Variants in MAPRE1 observed in about 807,000 individuals in gnomAD.
MAPRE1 encodes microtubule associated protein RP/EB family member 1.
MAPRE1 carries 5 observed loss-of-function variants against 32.1 expected under a neutral mutation model. The observed-to-expected ratio is 0.16, with a 90% CI of 0.08 to 0.33. The LOEUF is 0.33. MAPRE1 is among the 10% of genes least tolerant of loss of function. MAPRE1 has a pLI of 1.00. For synonymous variants in MAPRE1, 122 were observed against 118.9 expected (o/e 1.03, Z -0.17); for missense variants, 209 against 327.2 (o/e 0.64, Z 2.79).
At chr20:32,848,572 G>A in intron 6 of MAPRE1, 100 bp from the exon 7 acceptor site, 1 of 855,394 alleles carries the variant, frequency 1.2e-6, no homozygotes, top group Non-Finnish European at 1.9e-6. Context: ...ATAGAGCCAG[G>A]AAGAACCATT....
At chr20:32,828,745 T>G (rs975370628) in intron 2 of MAPRE1, among the ~76,000 whole-genome samples, 10 of 152,296 alleles carry the variant, frequency 6.6e-5, no homozygotes, top group African/African-American at 2.4e-4. Context: ...GGGGCACAGC[T>G]TATGTATTAC....
intron 2 of MAPRE1, among the ~76,000 whole-genome samples, chr20:32,827,188 C>G (rs1982877713): frequency 6.6e-6 from 1 of 151,734 alleles, no homozygotes; most frequent in South Asian, 2.1e-4. Flanking sequence ...GGCAGATCAC[C>G]TGAGGTCAGG....
chr20:32,828,995 A>G (rs968818069), intron 2 of MAPRE1, among the ~76,000 whole-genome samples: 1 of 151,436 alleles, frequency 6.6e-6, no homozygotes, highest in Non-Finnish European at 1.5e-5. Flanking sequence ...ATCTCGGCTC[A>G]CTGCAACCTC....
intron 5 of MAPRE1, among the ~76,000 whole-genome samples, chr20:32,845,777 A>G (rs1983490673): frequency 2.6e-5 from 4 of 152,110 alleles, no homozygotes; most frequent in African/African-American, 7.2e-5. Flanking sequence ...TCCACCTGAC[A>G]TGCTTCAGTT....
At chr20:32,841,788 T>C (rs1375751607) in intron 5 of MAPRE1, among the ~76,000 whole-genome samples, 1 of 152,118 alleles carries the variant, frequency 6.6e-6, no homozygotes, top group African/African-American at 2.4e-5. Flanking sequence ...CAAGTCAGCC[T>C]CTCTGAACTT....
At chr20:32,845,888 T>C (rs1421504387) in intron 5 of MAPRE1, among the ~76,000 whole-genome samples, 1 of 152,168 alleles carries the variant, frequency 6.6e-6, no homozygotes, top group Non-Finnish European at 1.5e-5. Flanking sequence ...TGGCTGTACC[T>C]TTGATTTTGT....
At chr20:32,828,308 C>T (rs1982923445) in intron 2 of MAPRE1, among the ~76,000 whole-genome samples, 1 of 152,202 alleles carries the variant, frequency 6.6e-6, no homozygotes, top group Non-Finnish European at 1.5e-5. Context: ...ATGAGGTCAT[C>T]CTAGTTTTCA....
At chr20:32,838,743 G>A (rs987911576) in intron 4 of MAPRE1, among the ~76,000 whole-genome samples, 10 of 152,182 alleles carry the variant, frequency 6.6e-5, no homozygotes, top group Admixed American at 4.6e-4. Context: ...GAGTGGAGAC[G>A]TGCATTAAGC....
At chr20:32,825,611 A>T (rs917909903) in intron 1 of MAPRE1, among the ~76,000 whole-genome samples, 1 of 152,156 alleles carries the variant, frequency 6.6e-6, no homozygotes, top group Non-Finnish European at 1.5e-5. Flanking sequence ...CCTGGCCAAC[A>T]TGGTGAAACC....
intron 5 of MAPRE1, among the ~76,000 whole-genome samples, chr20:32,840,650 G>A (rs1203762307): frequency 6.6e-6 from 1 of 151,904 alleles, no homozygotes; most frequent in Admixed American, 6.6e-5. Flanking sequence ...GGGATGCTCT[G>A]TGATTCCAGT....
intron 5 of MAPRE1, among the ~76,000 whole-genome samples, chr20:32,845,543 A>G (rs1983485314): frequency 6.6e-6 from 1 of 152,148 alleles, no homozygotes; most frequent in Non-Finnish European, 1.5e-5. Flanking sequence ...GGTTATAAAG[A>G]GGGTCCTTTC....
rs1982835354 is a variant in MAPRE1, at chr20:32,826,016, T to C, written c.89T>C (p.Leu30Ser). Residue 30 changes from leucine (L) to serine (S), a missense_variant, in exon 2 of 7, where the codon TTG (leucine) becomes TCG (serine). Leu to Ser is a moderately radical substitution (Grantham distance 145). This residue lies in a region of MAPRE1 where 67 missense variants were observed against 140.0 expected (regional missense o/e 0.48). Transcript: ENST00000375571. Reference sequence around the variant, plus strand: ...GCCTGGATCAATGAGTCTCTGCAGTTGAATCTGACAAAGATCGAACAGTTG... The same window carrying C: ...GCCTGGATCAATGAGTCTCTGCAGTCGAATCTGACAAAGATCGAACAGTTG... The part of the protein sequence containing the change: ...MLAWINESLQ[L>S]NLTKIEQLCS... The C allele has an allele frequency of 6.2e-7, 1 of 1,608,552 alleles. No homozygotes were observed. The highest frequency in any genetic ancestry group is 1.3e-5 in the African/African-American group (1 of 74,846).
At position 32,832,466 on chromosome 20, in the gene MAPRE1, C is replaced by CT. The variant is rs34257028; in HGVS notation, c.122-1233dup. Reference sequence around the variant, plus strand: ...TTGCAATAATTTATTACAGTAGTCTCTTTTTTTTTTTTTTTTTTGAGACGA... The same window carrying CT: ...TTGCAATAATTTATTACAGTAGTCTCTTTTTTTTTTTTTTTTTTTGAGACGA... On this transcript the variant is annotated intron_variant, in intron 2 of 6. Transcript: ENST00000375571. Among the ~76,000 whole-genome samples the CT allele has an allele frequency of 5.0e-3, 649 of 130,636 alleles. 2 individuals are homozygous for CT. Among genetic ancestry groups the CT allele is most frequent in the East Asian group, 0.03 (141 of 4,684 alleles). 85.7% of individuals were successfully genotyped at this position (130,636 alleles called of 152,430 possible).
chr20:32,837,345 TC>T (rs376388400), intron 4 of MAPRE1, among the ~76,000 whole-genome samples: 182 of 152,326 alleles, frequency 1.2e-3, no homozygotes, highest in Non-Finnish European at 2.1e-3. Context: ...ACTCACAGCT[TC>T]CCTACCTGCC....
chr20:32,843,629 A>G (rs1409516027), intron 5 of MAPRE1: 1 of 152,254 alleles, frequency 6.6e-6, no homozygotes, highest in African/African-American at 2.4e-5. Flanking sequence ...GCTGTTTTAC[A>G]TTTGAAGACT....
intron 5 of MAPRE1, among the ~76,000 whole-genome samples, chr20:32,844,504 T>C (rs1346442646): frequency 2.5e-5 from 3 of 119,212 alleles, no homozygotes; most frequent in Non-Finnish European, 1.6e-5. Context: ...AACTTCCGCC[T>C]CCCGGGTTCA....
chr20:32,829,173 A>C (rs1315439603), intron 2 of MAPRE1, among the ~76,000 whole-genome samples: 1 of 152,112 alleles, frequency 6.6e-6, no homozygotes, highest in Non-Finnish European at 1.5e-5. Flanking sequence ...CGGCCTCCCA[A>C]AGTGCTAGGA....
At position 32,832,807 on chromosome 20, in the gene MAPRE1, C is replaced by CTTTTTT. The variant is rs35277682; in HGVS notation, c.122-891_122-886dup. On this transcript the variant is annotated intron_variant, in intron 2 of 6. Transcript: ENST00000375571. Reference sequence around the variant, plus strand: ...TATTTATTTTTGAGCCAGAGTTTCGCTTTTTTTTTTTTTTTTTTTTTTTTG... The same window carrying CTTTTTT: ...TATTTATTTTTGAGCCAGAGTTTCGCTTTTTTTTTTTTTTTTTTTTTTTTTTTTTTG... 4.3e-4 allele frequency among the ~76,000 whole-genome samples: 25 copies of CTTTTTT among 58,776 alleles called. 1 individual carries two copies. The highest frequency in any genetic ancestry group is 1.3e-3 in the East Asian group (2 of 1,560). The allele number at this position is 58,776 out of a possible 152,430, so 38.6% of individuals were successfully genotyped here.
chr20:32,830,392 C>T (rs751400284), intron 2 of MAPRE1, among the ~76,000 whole-genome samples: 3 of 152,144 alleles, frequency 2.0e-5, no homozygotes, highest in Admixed American at 2.0e-4. Flanking sequence ...ATACTTTTGC[C>T]CTACCTGTCA....
Sources: allele counts gnomAD v4.1 joint callset (sites outside exome capture counted in the v4.1 genomes callset), GRCh38; gene constraint gnomAD v4.1.1; regional missense constraint gnomAD v4.1.1; transcripts MANE v1.5; gene names NCBI Gene and HGNC (gene_info 2026-07-23, HGNC 2026-07-21).